SLC35F3: variants seen among roughly 807,000 people sequenced by gnomAD.
The protein encoded by SLC35F3 is solute carrier family 35 member F3.
SLC35F3 carries 25 observed loss-of-function variants against 49.9 expected under a neutral mutation model. That is an observed-to-expected ratio of 0.50 (90% CI 0.37 to 0.70). SLC35F3 has a LOEUF of 0.70. Ranked by LOEUF, SLC35F3 falls within the 30% of genes least tolerant of loss-of-function variation. The pLI, the probability that SLC35F3 is intolerant of heterozygous loss-of-function variation, is 0.00. For synonymous variants in SLC35F3, 275 were observed against 265.4 expected, an observed-to-expected ratio of 1.04 and a Z score of -0.35; for missense variants, 525 against 639.8, an observed-to-expected ratio of 0.82 and a Z score of 1.94.
chr1:234,024,774 C>G (rs981342177), intron 2 of SLC35F3, among the ~76,000 whole-genome samples: 16 of 152,264 alleles, frequency 1.1e-4, no homozygotes, highest in African/African-American at 3.6e-4. Context: ...TCTTAAAGGC[C>G]CCACCTCTCA....
At chr1:234,124,661 G>A (rs993645189) in intron 2 of SLC35F3, among the ~76,000 whole-genome samples, 46 of 152,104 alleles carry the variant, frequency 3.0e-4, no homozygotes, top group African/African-American at 1.1e-3. Context: ...GAGGCCAGGA[G>A]TTCAGGATCA....
In SLC35F3 at chr1:234,214,397, G is replaced by A; in HGVS notation, c.284-17020G>A. 10 of 1,370,808 alleles carry A rather than the reference G, an allele frequency of 7.3e-6. No individual in the cohort carries two copies. Among genetic ancestry groups the A allele is most frequent in the Non-Finnish European group, 9.4e-6 (10 of 1,060,452 alleles). 84.9% of individuals were successfully genotyped at this position (1,370,808 alleles called of 1,614,324 possible). On this transcript the variant is annotated intron_variant, in intron 2 of 7. Coordinates refer to ENST00000366618, the MANE Select transcript of SLC35F3 (RefSeq NM_173508.4). The surrounding 1 kb of genome is among the most constrained non-coding windows in gnomAD (Gnocchi z 8.0). The stretch of plus-strand genomic sequence containing the variant: ...GGGCGAGCCGCTGGTGCTCCCCGGC[G>A]GCAGAGGGCCGCGTCGGCCACGGGC...
chr1:234,107,281 C>T (rs565050554), intron 2 of SLC35F3, among the ~76,000 whole-genome samples: 4 of 152,296 alleles, frequency 2.6e-5, no homozygotes, highest in Non-Finnish European at 5.9e-5. Flanking sequence ...GAAAAGTATA[C>T]TCCACCTGCA....
intron 2 of SLC35F3, among the ~76,000 whole-genome samples, chr1:233,991,112 C>T (rs551633875): frequency 6.6e-6 from 1 of 152,306 alleles, no homozygotes; most frequent in Admixed American, 6.5e-5. Context: ...GCAGTGGTGT[C>T]AGTAACTGTG....
chr1:233,976,464 T>A (rs1467602404), intron 2 of SLC35F3, among the ~76,000 whole-genome samples: 2 of 152,218 alleles, frequency 1.3e-5, no homozygotes. Context: ...TTTACTAGCT[T>A]CTCGGCTTCA....
At chr1:234,225,127 C>T (rs572911253) in intron 2 of SLC35F3, among the ~76,000 whole-genome samples, 7 of 152,274 alleles carry the variant, frequency 4.6e-5, no homozygotes, top group African/African-American at 1.2e-4. Flanking sequence ...TGCTTTGGGA[C>T]GTTTGGGGCA....
chr1:234,099,619 A>AC (rs1341141891), intron 2 of SLC35F3, among the ~76,000 whole-genome samples: 2 of 150,272 alleles, frequency 1.3e-5, no homozygotes, highest in Non-Finnish European at 2.9e-5. Flanking sequence ...AAAAAAAAAA[A>AC]AAAAAAAACA....
At chr1:233,967,817 A>G (rs1436603734) in intron 2 of SLC35F3, among the ~76,000 whole-genome samples, 4 of 152,222 alleles carry the variant, frequency 2.6e-5, no homozygotes, top group Non-Finnish European at 5.9e-5. Flanking sequence ...GAAAACAAAA[A>G]CGAAGTTATT....
intron 2 of SLC35F3, among the ~76,000 whole-genome samples, chr1:234,016,965 A>G (rs1460551645): frequency 6.6e-6 from 1 of 152,290 alleles, no homozygotes; most frequent in East Asian, 1.9e-4. Context: ...TCTTGTCCCA[A>G]ACAGTTACTG....
At chr1:234,156,684 T>C (rs1666157222) in intron 2 of SLC35F3, among the ~76,000 whole-genome samples, 1 of 152,074 alleles carries the variant, frequency 6.6e-6, no homozygotes, top group Non-Finnish European at 1.5e-5. Context: ...AGAGCAGCAT[T>C]ATTCATCATA....
chr1:233,912,988 A>G (rs536428933), intron 2 of SLC35F3, among the ~76,000 whole-genome samples: 33 of 152,352 alleles, frequency 2.2e-4, no homozygotes, highest in African/African-American at 7.9e-4. Flanking sequence ...GCCAGAATGC[A>G]GAGATTAGTG....
At chr1:233,968,355 T>C (rs1021621269) in intron 2 of SLC35F3, among the ~76,000 whole-genome samples, 1 of 152,224 alleles carries the variant, frequency 6.6e-6, no homozygotes, top group Non-Finnish European at 1.5e-5. Context: ...ATTTCTTTTT[T>C]TTTCCAACTT....
At chr1:234,267,659 CG>C in intron 3 of SLC35F3, among the ~76,000 whole-genome samples, 1 of 151,222 alleles carries the variant, frequency 6.6e-6, no homozygotes, top group Non-Finnish European at 1.5e-5. Flanking sequence ...CCCTCCCGGA[CG>C]GGGCGGCTGC....
At position 234,214,628 on chromosome 1, in the gene SLC35F3, T is replaced by C. The variant is rs1667093682; in HGVS notation, c.284-16789T>C. ...TCCCTGCACCCTAGCCGGGGAATGC[T>C]GCCACCCTGAGGGGGGCTGTCTGGC... On this transcript the variant is annotated intron_variant, in intron 2 of 7. Transcript: ENST00000366618. This position sits in a 1 kb window ranked among gnomAD's most constrained non-coding sequence, Gnocchi z 8.0. 2.0e-6 allele frequency: 3 copies of C among 1,501,844 alleles called. No homozygotes were observed. The highest frequency in any genetic ancestry group is 1.4e-5 in the African/African-American group (1 of 69,246). The allele number at this position is 1,501,844 out of a possible 1,614,324, so 93.0% of individuals were successfully genotyped here.
intron 2 of SLC35F3, among the ~76,000 whole-genome samples, chr1:233,951,198 C>T (rs1662601653): frequency 6.6e-6 from 1 of 151,442 alleles, no homozygotes; most frequent in Admixed American, 6.6e-5. Flanking sequence ...CCATGATGGA[C>T]TGCATATGCA....
Position 234,320,130 on chromosome 1 carries a change from G to A in SLC35F3, c.1180G>A (p.Val394Ile), listed in dbSNP as rs377116741. Reference protein sequence around the residue: ...FNIVLNFGIAVTYPTLMSLGI... With the variant: ...FNIVLNFGIAITYPTLMSLGI... ...TATTGTATTAAATTTTGGAATTGCC[G>A]TTACATATCCCACTCTGATGTCTCT... Residue 394 changes from valine to isoleucine, a missense_variant, in exon 7 of 8, where the codon GTT becomes ATT. This residue lies in a region of SLC35F3 where 216 missense variants were observed against 298.1 expected (regional missense o/e 0.72). Coordinates refer to ENST00000366618, the MANE Select transcript of SLC35F3 (RefSeq NM_173508.4). The surrounding 1 kb of genome is among the most constrained non-coding windows in gnomAD (Gnocchi z 4.8). 70 of 1,613,210 alleles carry A rather than the reference G, an allele frequency of 4.3e-5. No homozygotes were observed. The highest frequency in any genetic ancestry group is 1.1e-4 in the East Asian group (5 of 44,882).
chr1:233,956,036 C>T (rs534593026), intron 2 of SLC35F3, among the ~76,000 whole-genome samples: 6 of 151,710 alleles, frequency 4.0e-5, no homozygotes, highest in Non-Finnish European at 7.4e-5. Flanking sequence ...TATAGGCATG[C>T]GCCACCACGC....
chr1:234,305,264 G>A (rs935390524), intron 3 of SLC35F3, among the ~76,000 whole-genome samples: 6 of 152,006 alleles, frequency 3.9e-5, no homozygotes, highest in African/African-American at 1.2e-4. Context: ...AAGAACATAA[G>A]TATGTAAGTA....
intron 2 of SLC35F3, among the ~76,000 whole-genome samples, chr1:234,160,994 C>CGAACTGGGG (rs1666219398): frequency 6.6e-6 from 1 of 152,176 alleles, no homozygotes; most frequent in African/African-American, 2.4e-5. Flanking sequence ...TCTCTTGGAT[C>CGAACTGGGG]CAGGCTTTCC....
Sources: gnomAD v4.1 joint callset for allele counts (sites outside exome capture counted in the v4.1 genomes callset) on GRCh38, gnomAD v4.1.1 for gene constraint, gnomAD v4.1.1 regional missense constraint, Gnocchi (gnomAD v3.1) non-coding constraint, MANE v1.5 for transcripts, NCBI Gene and HGNC (gene_info 2026-07-23, HGNC 2026-07-21) for gene names.